The following PWWP3B variants were observed in gnomAD, a reference collection of about 807,000 sequenced individuals.
The protein encoded by PWWP3B is PWWP domain containing 3B.
A neutral mutation model predicts 15.7 loss-of-function variants in PWWP3B; 5 were observed. The observed-to-expected ratio is 0.32, with a 90% CI of 0.17 to 0.67. The LOEUF (loss-of-function observed/expected upper bound fraction) is 0.67, where lower values mean the gene tolerates loss of function less well. Ranked by LOEUF, PWWP3B falls within the 30% of genes least tolerant of loss-of-function variation. The pLI is 0.74. For synonymous variants in PWWP3B, 203 were observed against 179.8 expected (o/e 1.13, Z -1.03); for missense variants, 519 against 493.1 (o/e 1.05, Z -0.50).
At chrX:106,184,663 A>T (rs1569360046) in intron 2 of PWWP3B, among the ~76,000 whole-genome samples, 1 of 112,167 alleles carries the variant, frequency 8.9e-6, no homozygotes, top group South Asian at 3.7e-4. Context: ...GGTTTGATCT[A>T]ACAATAGCAT....
intron 2 of PWWP3B, among the ~76,000 whole-genome samples, chrX:106,200,267 A>T (rs1923622229): frequency 9.0e-6 from 1 of 111,466 alleles, no homozygotes; most frequent in Admixed American, 9.5e-5. Flanking sequence ...AGAACAGAGA[A>T]ACTTGCCCCT....
At chrX:106,178,925 T>C (rs1377948593) in intron 2 of PWWP3B, among the ~76,000 whole-genome samples, 1 of 111,863 alleles carries the variant, frequency 8.9e-6, no homozygotes, top group Admixed American at 9.6e-5. Flanking sequence ...ATTTTTTACG[T>C]AATGCATAAC....
chrX:106,191,554 C>G (rs1032970305), intron 2 of PWWP3B, among the ~76,000 whole-genome samples: 15 of 111,233 alleles, frequency 1.3e-4, no homozygotes, highest in Non-Finnish European at 1.7e-4. Context: ...CCTGATTGCC[C>G]TGGCCAGAAC....
At chrX:106,193,800 G>T (rs1044243499) in intron 2 of PWWP3B, among the ~76,000 whole-genome samples, 6 of 111,694 alleles carry the variant, frequency 5.4e-5, no homozygotes, top group African/African-American at 2.0e-4. Flanking sequence ...CACTTGTGAA[G>T]CTTAGTTTGG....
chrX:106,181,045 A>T (rs1922164528), intron 2 of PWWP3B, among the ~76,000 whole-genome samples: 1 of 111,884 alleles, frequency 8.9e-6, no homozygotes, highest in Non-Finnish European at 1.9e-5. Context: ...ACAGTGTCTC[A>T]TATCTCCTTA....
At chrX:106,179,889 G>C (rs62603123) in intron 2 of PWWP3B, among the ~76,000 whole-genome samples, 5,359 of 112,047 alleles carry the variant, frequency 0.048, 132 homozygotes, top group Middle Eastern at 0.097. Flanking sequence ...ACTCCTGTAG[G>C]AAAAGTATGC....
chrX:106,207,791 AG>A lies in PWWP3B; in HGVS notation c.*271del, dbSNP rs35111014. ...AAGCATAATTCCTAAATGATTTTGAAGGGAAAGTACTATTTTGTTTTATGAC... is the reference window on the plus strand; with the variant it reads ...AAGCATAATTCCTAAATGATTTTGAAGGAAAGTACTATTTTGTTTTATGAC... On this transcript the variant is annotated 3_prime_UTR_variant, in exon 4 of 4. Coordinates refer to ENST00000357175, the MANE Select transcript of PWWP3B (RefSeq NM_001171020.2). The A allele has an allele frequency of 7.6e-6, 2 of 264,040 alleles. No homozygotes were observed. Among genetic ancestry groups the A allele is most frequent in the African/African-American group, 5.6e-5 (2 of 35,853 alleles). 21.8% of individuals were successfully genotyped at this position (264,040 alleles called of 1,213,427 possible).
At chrX:106,181,503 C>T (rs749091552) in intron 2 of PWWP3B, among the ~76,000 whole-genome samples, 1 of 111,718 alleles carries the variant, frequency 9.0e-6, no homozygotes, top group South Asian at 3.8e-4. Context: ...TTACAATCCT[C>T]TAGCTAGACA....
chrX:106,185,375 T>G (rs998012827), intron 2 of PWWP3B, among the ~76,000 whole-genome samples: 3 of 111,354 alleles, frequency 2.7e-5, no homozygotes, highest in Non-Finnish European at 5.7e-5. Flanking sequence ...CCTGCAACGG[T>G]ACCTGGACCC....
At chrX:106,190,573 C>A (rs1316678741) in intron 2 of PWWP3B, among the ~76,000 whole-genome samples, 2 of 111,658 alleles carry the variant, frequency 1.8e-5, no homozygotes, top group Non-Finnish European at 3.8e-5. Flanking sequence ...TCAATTTTGG[C>A]TTTTGTTGCC....
intron 2 of PWWP3B, among the ~76,000 whole-genome samples, chrX:106,185,394 G>C (rs750572833): frequency 1.8e-5 from 2 of 111,223 alleles, no homozygotes; most frequent in African/African-American, 3.3e-5. Context: ...CCTGCTGATC[G>C]GAATAGTTGG....
At chrX:106,198,016 G>A (rs1019859734) in intron 2 of PWWP3B, among the ~76,000 whole-genome samples, 4 of 111,692 alleles carry the variant, frequency 3.6e-5, no homozygotes, top group Non-Finnish European at 7.5e-5. Flanking sequence ...GCTTTCTAAG[G>A]CATACTTGCA....
At position 106,206,571 on chromosome X, in the gene PWWP3B, G is replaced by T; in HGVS notation, c.1139G>T (p.Arg380Leu). Residue 380 changes from arginine (R) to leucine (L), a missense_variant, in exon 4 of 4, where the codon CGC becomes CTC. Physicochemically the swap from Arg to Leu is moderately radical, Grantham distance 102. Coordinates refer to ENST00000357175, the MANE Select transcript of PWWP3B (RefSeq NM_001171020.2). ...DDDEEDEELP[R>L]FILHYETHPF... ...GATGAGGAAGACGAAGAACTTCCAC[G>T]CTTCATTTTACATTATGAGACACAT... is the stretch of plus-strand genomic sequence containing the variant. 1 of 1,208,940 alleles carries T rather than the reference G, an allele frequency of 8.3e-7. No homozygotes were observed. Among genetic ancestry groups the T allele is most frequent in the Non-Finnish European group, 1.1e-6 (1 of 894,252 alleles).
Position 106,176,091 on chromosome X carries a change from A to G in PWWP3B, c.-401+4952A>G, listed in dbSNP as rs185082958. Among the ~76,000 whole-genome samples the G allele has an allele frequency of 1.3e-4, 14 of 110,523 alleles. No individual in the cohort carries two copies. The East Asian group carries it at 2.6e-3, about 20-fold the overall frequency. ...AATCAAATGGGCTTATATATTAACT[A>G]TTATTTTATTTTATTTTTTTGAGAT... is the stretch of plus-strand genomic sequence containing the variant. On this transcript the variant is annotated intron_variant, in intron 2 of 3. Coordinates refer to ENST00000357175, the MANE Select transcript of PWWP3B (RefSeq NM_001171020.2).
At chrX:106,199,087 C>T (rs1271840877) in intron 2 of PWWP3B, among the ~76,000 whole-genome samples, 4 of 97,415 alleles carry the variant, frequency 4.1e-5, no homozygotes, top group African/African-American at 1.2e-4. Flanking sequence ...CTCGCTTTGT[C>T]GCCCAGGCTG....
intron 2 of PWWP3B, among the ~76,000 whole-genome samples, chrX:106,193,805 G>T (rs748806934): frequency 9.0e-6 from 1 of 111,708 alleles, no homozygotes; most frequent in Non-Finnish European, 1.9e-5. Flanking sequence ...GTGAAGCTTA[G>T]TTTGGCTGGA....
chrX:106,179,551 A>G (rs1458407271), intron 2 of PWWP3B, among the ~76,000 whole-genome samples: 1 of 111,668 alleles, frequency 9.0e-6, no homozygotes, highest in Non-Finnish European at 1.9e-5. Flanking sequence ...CTCTGCCTTT[A>G]TCAGAGATGC....
chrX:106,186,397 C>T (rs776651564), intron 2 of PWWP3B, among the ~76,000 whole-genome samples: 1 of 111,594 alleles, frequency 9.0e-6, no homozygotes, highest in South Asian at 3.8e-4. Context: ...AAAATCCTGA[C>T]ACCCATGTCT....
At chrX:106,194,464 A>G (rs1392251100) in intron 2 of PWWP3B, among the ~76,000 whole-genome samples, 1 of 111,117 alleles carries the variant, frequency 9.0e-6, no homozygotes, top group East Asian at 2.8e-4. Context: ...CAAAGCTTTT[A>G]ACTTCTTTGC....
Sources: gnomAD v4.1 joint callset for allele counts (sites outside exome capture counted in the v4.1 genomes callset) on GRCh38, gnomAD v4.1.1 for gene constraint, MANE v1.5 for transcripts, NCBI Gene and HGNC (gene_info 2026-07-23, HGNC 2026-07-21) for gene names.